NPR3: variants seen among roughly 807,000 people sequenced by gnomAD.
NPR3 encodes the protein atrial natriuretic peptide receptor 3.
A neutral mutation model predicts 54.5 loss-of-function variants in NPR3; 34 were observed. The ratio of observed to expected loss-of-function variants is 0.62; its 90% CI spans 0.47 to 0.83. NPR3 has a LOEUF of 0.83. NPR3 is among the 40% of genes least tolerant of loss of function. The pLI is 0.00. For synonymous variants in NPR3, 289 were observed against 297.1 expected (o/e 0.97, Z 0.28); for missense variants, 674 against 720.8 (o/e 0.94, Z 0.74).
intron 1 of NPR3, among the ~76,000 whole-genome samples, chr5:32,701,243 C>T (rs2111817416): frequency 6.6e-6 from 1 of 152,026 alleles, no homozygotes; most frequent in African/African-American, 2.4e-5. Context: ...ATATCCTGTC[C>T]TCATGTTCAC....
At chr5:32,758,577 G>A (rs1300406066) in intron 3 of NPR3, among the ~76,000 whole-genome samples, 1 of 144,466 alleles carries the variant, frequency 6.9e-6, no homozygotes, top group East Asian at 2.0e-4. Context: ...TGATTTTTTT[G>A]AAGGGTTTTT....
chr5:32,711,280 G>T, upstream of NPR3: 1 of 959,798 alleles, frequency 1.0e-6, no homozygotes, highest in Non-Finnish European at 1.2e-6. Context: ...ACGCTCAGCC[G>T]CTGCCACGCT....
intron 1 of NPR3, among the ~76,000 whole-genome samples, chr5:32,703,455 C>T (rs1220933822): frequency 6.6e-6 from 1 of 151,958 alleles, no homozygotes; most frequent in African/African-American, 2.4e-5. Context: ...TGGGAATGTG[C>T]TGGGCCACAC....
rs10461914 is a variant in NPR3, at chr5:32,760,089, G to A, written c.1060-14619G>A. On this transcript the variant is annotated intron_variant, in intron 3 of 7. Transcript: ENST00000265074. ...GAGTAATACTATGTTGTTTAAATACGCCATGATTTGTTTATCTATTCTTCT... is the reference window on the plus strand; with the variant it reads ...GAGTAATACTATGTTGTTTAAATACACCATGATTTGTTTATCTATTCTTCT... 1.3e-4 allele frequency among the ~76,000 whole-genome samples: 19 copies of A among 151,170 alleles called. No homozygotes were observed. The East Asian group carries it at 2.5e-3, about 20-fold the overall frequency.
upstream of NPR3, chr5:32,710,718 A>C: frequency 1.3e-6 from 2 of 1,547,064 alleles, no homozygotes; most frequent in Non-Finnish European, 1.7e-6. Context: ...GCGCCGAGGG[A>C]CCAGGAAGGT....
rs114768621 is a variant in NPR3, at chr5:32,761,646, T to G, written c.1060-13062T>G. Among the ~76,000 whole-genome samples the G allele has an allele frequency of 4.8e-3, 725 of 151,830 alleles. 7 individuals are homozygous for G. Among genetic ancestry groups the G allele is most frequent in the African/African-American group, 0.017 (694 of 41,508 alleles). ...CTTTTTCAATATTGTACTTTTCAGTTCTATAATTTCTATTTTTTTTTAATA... is the reference window on the plus strand; with the variant it reads ...CTTTTTCAATATTGTACTTTTCAGTGCTATAATTTCTATTTTTTTTTAATA... On this transcript the variant is annotated intron_variant, in intron 3 of 7. Coordinates refer to ENST00000265074, the MANE Select transcript of NPR3 (RefSeq NM_001204375.2).
rs138698481 is a variant in NPR3 at position 32,748,049 on chromosome 5, C to T, written c.1059+9019C>T. Among the ~76,000 whole-genome samples the T allele has an allele frequency of 7.9e-3, 1,196 of 152,152 alleles. 10 individuals are homozygous for T. The highest frequency in any genetic ancestry group is 9.3e-3 in the Non-Finnish European group (633 of 67,990). Reference sequence around the variant, plus strand: ...GATTACAGGTATGAGCCATCATGCCCGGCAGGAAAATCTTTTGAGACTTTG... The same window carrying T: ...GATTACAGGTATGAGCCATCATGCCTGGCAGGAAAATCTTTTGAGACTTTG... On this transcript the variant is annotated intron_variant, in intron 3 of 7. Transcript: ENST00000265074.
chr5:32,782,601 G>A (rs888437592), intron 5 of NPR3, among the ~76,000 whole-genome samples: 31 of 152,144 alleles, frequency 2.0e-4, no homozygotes, highest in Admixed American at 2.0e-3. Flanking sequence ...GCTCTGGCAC[G>A]ACCGCTCTTA....
At position 32,788,373 on chromosome 5, in the gene NPR3, T is replaced by G. The variant is rs1423457782; in HGVS notation, c.*2028T>G. ...CAGGCAAGCAAAGCGTTGTACCACT[T>G]GGGACTCCCCAAAGTGAAACAGCAA... On this transcript the variant is annotated 3_prime_UTR_variant, in exon 8 of 8. Coordinates refer to ENST00000265074, the MANE Select transcript of NPR3 (RefSeq NM_001204375.2). 4 of 152,208 alleles carry G rather than the reference T, an allele frequency of 2.6e-5. No individual in the cohort carries two copies. Among genetic ancestry groups the G allele is most frequent in the Non-Finnish European group, 5.9e-5 (4 of 68,040 alleles). The allele number at this position is 152,208 out of a possible 1,614,324, so 9.4% of individuals were successfully genotyped here.
chr5:32,720,990 CTG>C (rs1738828326), intron 1 of NPR3, among the ~76,000 whole-genome samples: 1 of 152,182 alleles, frequency 6.6e-6, no homozygotes, highest in South Asian at 2.1e-4. Context: ...TTAATTAAAA[CTG>C]TTCTAAACCT....
chr5:32,700,013 T>G (rs1740628081), intron 1 of NPR3, among the ~76,000 whole-genome samples: 1 of 152,248 alleles, frequency 6.6e-6, no homozygotes, highest in Non-Finnish European at 1.5e-5. Context: ...TTAAATATGT[T>G]GGGCTACTCT....
rs559762980 is a variant in NPR3 at position 32,711,734 on chromosome 5, G to A, written c.-43G>A. ...GAGGAAGGGTGGGTGGGGGGCAGAG[G>A]GCGAGTCGGCGGCGGCGAGGGCAAG... On this transcript the variant is annotated 5_prime_UTR_variant, in exon 1 of 8. Coordinates refer to ENST00000265074, the MANE Select transcript of NPR3 (RefSeq NM_001204375.2). 1 of 1,412,676 alleles carries A rather than the reference G, an allele frequency of 7.1e-7. No individual in the cohort carries two copies. Among genetic ancestry groups the A allele is most frequent in the South Asian group, 1.6e-5 (1 of 60,822 alleles). The allele number at this position is 1,412,676 out of a possible 1,614,324, so 87.5% of individuals were successfully genotyped here.
intron 2 of NPR3, among the ~76,000 whole-genome samples, chr5:32,731,551 C>A (rs1030905790): frequency 6.6e-6 from 1 of 152,194 alleles, no homozygotes; most frequent in Non-Finnish European, 1.5e-5. Flanking sequence ...AAATACCTTG[C>A]AAACTTCTTG....
At position 32,782,887 on chromosome 5, in the gene NPR3, A is replaced by G. The variant is rs1452810521; in HGVS notation, c.1291-6A>G. 3 of 1,606,502 alleles carry G rather than the reference A, an allele frequency of 1.9e-6. No homozygotes were observed. Among genetic ancestry groups the G allele is most frequent in the Admixed American group, 3.4e-5 (2 of 58,766 alleles). On this transcript the variant is annotated splice_polypyrimidine_tract_variant and splice_region_variant and intron_variant, in intron 5 of 7. Coordinates refer to ENST00000265074, the MANE Select transcript of NPR3 (RefSeq NM_001204375.2). ...GTTTGTCTATTTGTTTTTTGCCTCT[A>G]TATAGGTTATTGGTGATTATTTTGG...
Position 32,712,226 on chromosome 5 carries a change from G to A in NPR3, c.450G>A (p.Trp150Ter). Residue 150 changes from tryptophan (W) to a stop codon, truncating the protein, a stop_gained, in exon 1 of 8, where the codon TGG (tryptophan) becomes TGA (stop). Coordinates refer to ENST00000265074, the MANE Select transcript of NPR3 (RefSeq NM_001204375.2). LOFTEE classifies it high-confidence loss of function. Reference protein sequence around the residue: ...AAPVARLASHWDLPMLSAGAL... With the variant: ...AAPVARLASH The stretch of plus-strand genomic sequence containing the variant: ...CAGTGGCCCGGCTTGCATCGCACTG[G>A]GACCTGCCCATGCTGTCGGCTGGGG... The A allele has an allele frequency of 4.3e-6, 7 of 1,612,782 alleles. No homozygotes were observed. The highest frequency in any genetic ancestry group is 5.9e-6 in the Non-Finnish European group (7 of 1,179,614).
At chr5:32,704,427 T>C (rs1447508447), upstream of NPR3, among the ~76,000 whole-genome samples, 2 of 151,844 alleles carry the variant, frequency 1.3e-5, no homozygotes, top group Admixed American at 1.3e-4. Context: ...TTGGTGTTCC[T>C]GTGGGGACGA....
At chr5:32,778,124 G>A (rs1384944544) in intron 4 of NPR3, among the ~76,000 whole-genome samples, 1 of 152,234 alleles carries the variant, frequency 6.6e-6, no homozygotes, top group South Asian at 2.1e-4. Context: ...CAGGGCATGG[G>A]TTAAATTTTC....
intron 1 of NPR3, chr5:32,716,328 C>T (rs1738543582): frequency 2.3e-6 from 1 of 436,682 alleles, no homozygotes; most frequent in Non-Finnish European, 4.5e-6. Context: ...GTTAGCTCTT[C>T]CTGTAGGTAT....
chr5:32,714,392 C>T (rs1738437538), intron 1 of NPR3, among the ~76,000 whole-genome samples: 1 of 145,796 alleles, frequency 6.9e-6, no homozygotes, highest in Non-Finnish European at 1.5e-5. Context: ...CAGCAGTGCC[C>T]TGGTGGGCCT....
Sources: allele counts gnomAD v4.1 joint callset (sites outside exome capture counted in the v4.1 genomes callset), GRCh38; gene constraint gnomAD v4.1.1; transcripts MANE v1.5; gene names NCBI Gene and HGNC (gene_info 2026-07-23, HGNC 2026-07-21).